GPR176: variants seen among roughly 807,000 people sequenced by gnomAD.
GPR176 encodes G protein-coupled receptor 176, also known as G-protein coupled receptor 176.
Under a neutral mutation model 35.4 loss-of-function variants are expected in GPR176, and 26 were observed. The observed-to-expected ratio is 0.74, with a 90% CI of 0.54 to 1.02. The LOEUF (loss-of-function observed/expected upper bound fraction) is 1.02. Ranked by LOEUF, GPR176 falls within the 50% of genes least tolerant of loss-of-function variation. The probability of loss-of-function intolerance (pLI) is 0.00; values close to 1 mark genes in which losing one functional copy is unlikely to be tolerated. For missense variants in GPR176, 597 were observed against 665.3 expected (o/e 0.90, Z 1.13); for synonymous variants, 278 against 271.3 (o/e 1.02, Z -0.24).
At chr15:39,842,502 A>G (rs767763570) in intron 1 of GPR176, among the ~76,000 whole-genome samples, 16 of 152,084 alleles carry the variant, frequency 1.1e-4, no homozygotes, top group Non-Finnish European at 1.5e-4. Context: ...CCCAGTGTGA[A>G]GGTATTTGGA....
intron 1 of GPR176, among the ~76,000 whole-genome samples, chr15:39,849,450 T>C (rs1158342990): frequency 6.6e-6 from 1 of 152,076 alleles, no homozygotes; most frequent in Non-Finnish European, 1.5e-5. Flanking sequence ...AGTATAACAC[T>C]GATACCAAAA....
At chr15:39,811,351 T>G (rs1472449197) in intron 1 of GPR176, among the ~76,000 whole-genome samples, 1 of 152,116 alleles carries the variant, frequency 6.6e-6, no homozygotes, top group Non-Finnish European at 1.5e-5. Flanking sequence ...TTTAATATAA[T>G]TATTGATATG....
chr15:39,917,942 G>T (rs565469533), intron 1 of GPR176, among the ~76,000 whole-genome samples: 2 of 151,908 alleles, frequency 1.3e-5, no homozygotes, highest in South Asian at 4.2e-4. Context: ...CTACTCAGGG[G>T]GCTGAGGCAG....
intron 1 of GPR176, among the ~76,000 whole-genome samples, chr15:39,881,631 T>A (rs1381951092): frequency 1.3e-5 from 2 of 152,232 alleles, no homozygotes; most frequent in Non-Finnish European, 2.9e-5. Flanking sequence ...TAGTTTAACA[T>A]CTTTGTGTGT....
At chr15:39,903,871 G>A (rs546288695) in intron 1 of GPR176, among the ~76,000 whole-genome samples, 1 of 152,302 alleles carries the variant, frequency 6.6e-6, no homozygotes, top group East Asian at 1.9e-4. Context: ...GAATCCCATA[G>A]GGTGAAGTGA....
chr15:39,839,305 G>A (rs1901600336), intron 1 of GPR176, among the ~76,000 whole-genome samples: 1 of 152,030 alleles, frequency 6.6e-6, no homozygotes, highest in Non-Finnish European at 1.5e-5. Flanking sequence ...ACAGAACAGA[G>A]ACCTCAGAAA....
At chr15:39,847,692 G>A (rs965666932) in intron 1 of GPR176, among the ~76,000 whole-genome samples, 46 of 113,834 alleles carry the variant, frequency 4.0e-4, no homozygotes, top group African/African-American at 1.4e-3. Flanking sequence ...GCAGTGAACC[G>A]AGATCACACC....
intron 1 of GPR176, among the ~76,000 whole-genome samples, chr15:39,911,637 G>C (rs2033579902): frequency 6.6e-6 from 1 of 152,206 alleles, no homozygotes; most frequent in African/African-American, 2.4e-5. Context: ...CTCCATATGT[G>C]CTGCAGTGGG....
chr15:39,877,191 G>A (rs2032281897), intron 1 of GPR176, among the ~76,000 whole-genome samples: 1 of 152,160 alleles, frequency 6.6e-6, no homozygotes, highest in Admixed American at 6.5e-5. Context: ...TCCCTAGTTT[G>A]CTGTCTCATC....
At position 39,799,411 on chromosome 15, in the gene GPR176, C is replaced by G. The variant is rs1414799100; in HGVS notation, c.*1721G>C. On this transcript the variant is annotated 3_prime_UTR_variant, in exon 3 of 3. Transcript: ENST00000561100. ...GCAGGAGGCTGTGGCAGCCCCGTTT[C>G]TGCTGTGAGCAAACAGTGCTATGAG... is the stretch of plus-strand genomic sequence containing the variant. The G allele has an allele frequency of 6.6e-6, 1 of 152,382 alleles. No homozygotes were observed. Among genetic ancestry groups the G allele is most frequent in the Non-Finnish European group, 1.5e-5 (1 of 68,154 alleles). The allele number at this position is 152,382 out of a possible 1,614,324, so 9.4% of individuals were successfully genotyped here.
At chr15:39,829,640 C>T (rs1339960078) in intron 1 of GPR176, among the ~76,000 whole-genome samples, 5 of 151,788 alleles carry the variant, frequency 3.3e-5, no homozygotes, top group African/African-American at 1.2e-4. Flanking sequence ...ATTGTTCCCA[C>T]CCACCTGAAC....
chr15:39,865,169 T>C (rs1218921910), intron 1 of GPR176, among the ~76,000 whole-genome samples: 2 of 152,102 alleles, frequency 1.3e-5, no homozygotes, highest in African/African-American at 4.8e-5. Context: ...AAAATAGAAC[T>C]ATCATTTGAT....
At chr15:39,880,199 T>A (rs2032420656) in intron 1 of GPR176, among the ~76,000 whole-genome samples, 1 of 152,196 alleles carries the variant, frequency 6.6e-6, no homozygotes, top group Non-Finnish European at 1.5e-5. Context: ...CCCACCACTC[T>A]TTTGAAACAG....
intron 1 of GPR176, among the ~76,000 whole-genome samples, chr15:39,836,597 C>T (rs1194298412): frequency 6.6e-6 from 1 of 152,114 alleles, no homozygotes; most frequent in African/African-American, 2.4e-5. Flanking sequence ...TGGACCAACA[C>T]AAACACCCAC....
rs543543936 is a variant in GPR176, at chr15:39,801,274, C to G, written c.1406G>C (p.Arg469Pro). The G allele has an allele frequency of 2.5e-6, 4 of 1,614,054 alleles. No individual in the cohort carries two copies. The highest frequency in any genetic ancestry group is 3.4e-6 in the Non-Finnish European group (4 of 1,180,032). ...ELPPQWLSETRNSKKRLLPPL... is the reference protein window; with the variant it reads ...ELPPQWLSETPNSKKRLLPPL... Reference sequence around the variant, plus strand: ...GGGAAGCAGCCGCTTCTTGCTGTTTCGGGTCTCTGAGAGCCACTGAGGAGG... The same window carrying G: ...GGGAAGCAGCCGCTTCTTGCTGTTTGGGGTCTCTGAGAGCCACTGAGGAGG... Residue 469 changes from arginine (R) to proline (P), a missense_variant, in exon 3 of 3, where the codon CGA becomes CCA. By Grantham distance (103) the Arg-to-Pro change is moderately radical. This residue lies in a region of GPR176 where 251 missense variants were observed against 255.4 expected (regional missense o/e 0.98). Transcript: ENST00000561100.
intron 1 of GPR176, among the ~76,000 whole-genome samples, chr15:39,851,267 C>A (rs766916713): frequency 6.6e-6 from 1 of 152,144 alleles, no homozygotes; most frequent in African/African-American, 2.4e-5. Context: ...AGGTTTCACA[C>A]AGGCTACAGT....
Position 39,920,242 on chromosome 15 carries a change from C to G in GPR176, c.-216G>C, listed in dbSNP as rs983146556. ...GGCTGCGCCCCATGCCCACTCCCTCCTGGATCCCAGTCAGCAGCCACAAGA... is the reference window on the plus strand; with the variant it reads ...GGCTGCGCCCCATGCCCACTCCCTCGTGGATCCCAGTCAGCAGCCACAAGA... On this transcript the variant is annotated 5_prime_UTR_variant, in exon 1 of 3. Coordinates refer to ENST00000561100, the MANE Select transcript of GPR176 (RefSeq NM_007223.3). The G allele has an allele frequency of 2.8e-5, 11 of 394,150 alleles. No individual in the cohort carries two copies. The highest frequency in any genetic ancestry group is 4.5e-5 in the Admixed American group (1 of 22,412). The allele number at this position is 394,150 out of a possible 1,614,324, so 24.4% of individuals were successfully genotyped here.
chr15:39,806,977 A>G (rs1028636237), intron 2 of GPR176, 29 bp downstream of exon 2: 3 of 1,558,154 alleles, frequency 1.9e-6, no homozygotes, highest in Admixed American at 2.1e-5. Context: ...CTTAAAAAAA[A>G]AAGTTAGCTC....
At chr15:39,803,271 CTTTTTTTTTTT>C (rs769645892) in intron 2 of GPR176, among the ~76,000 whole-genome samples, 2 of 85,542 alleles carry the variant, frequency 2.3e-5, no homozygotes, top group South Asian at 4.6e-4. Context: ...ACAAGTACTT[CTTTTTTTTTTT>C]TTTTTTTTTT....
Sources: gnomAD v4.1 joint callset for allele counts (sites outside exome capture counted in the v4.1 genomes callset) on GRCh38, gnomAD v4.1.1 for gene constraint, gnomAD v4.1.1 regional missense constraint, MANE v1.5 for transcripts, NCBI Gene and HGNC (gene_info 2026-07-23, HGNC 2026-07-21) for gene names.